Variants in TP53BP2 observed in about 807,000 individuals in gnomAD.
The protein encoded by TP53BP2 is tumor protein p53 binding protein 2.
A neutral mutation model predicts 126.2 loss-of-function variants in TP53BP2; 62 were observed. The observed-to-expected ratio is 0.49, with a 90% CI of 0.40 to 0.61. The LOEUF (loss-of-function observed/expected upper bound fraction) is 0.61, where lower values mean the gene tolerates loss of function less well. Ranked by LOEUF, TP53BP2 falls within the 20% of genes least tolerant of loss-of-function variation. The pLI is 0.00. For missense variants in TP53BP2, 1,215 were observed against 1,402.8 expected (o/e 0.87, Z 2.14); for synonymous variants, 485 against 502.9 (o/e 0.96, Z 0.48).
intron 5 of TP53BP2, among the ~76,000 whole-genome samples, chr1:223,804,614 C>T (rs1034526906): frequency 3.9e-5 from 6 of 152,214 alleles, no homozygotes; most frequent in African/African-American, 1.4e-4. Flanking sequence ...AGCAAGGATG[C>T]AGCAATTCTT....
At chr1:223,841,578 CTG>C (rs2102894240) in intron 1 of TP53BP2, among the ~76,000 whole-genome samples, 1 of 152,308 alleles carries the variant, frequency 6.6e-6, no homozygotes, top group East Asian at 1.9e-4. Flanking sequence ...TTGTGCAAAT[CTG>C]TGCAAATAAA....
chr1:223,817,228 G>A (rs1157319626), intron 2 of TP53BP2, among the ~76,000 whole-genome samples: 2 of 116,648 alleles, frequency 1.7e-5, no homozygotes, highest in African/African-American at 6.6e-5. Flanking sequence ...AGGAGGAGGG[G>A]GAGAGAAAGG....
At chr1:223,822,185 A>C (rs935832274) in intron 1 of TP53BP2, among the ~76,000 whole-genome samples, 1 of 151,738 alleles carries the variant, frequency 6.6e-6, no homozygotes, top group Admixed American at 6.6e-5. Context: ...AAGTGCTGGG[A>C]TTACAGGCGT....
At position 223,804,272 on chromosome 1, in the gene TP53BP2, CTTTT is replaced by C; in HGVS notation, c.547_550del (p.Lys183GlyfsTer2). ...CTGATTCTCAGCTATTTCTTTTAGC[CTTTT>C]AAGTTTCTCCTGCTCAGCAACTTGT... On this transcript the variant is annotated frameshift_variant, in exon 6 of 18. Transcript: ENST00000343537. LOFTEE classifies it high-confidence loss of function. 1 of 1,614,080 alleles carries C rather than the reference CTTTT, an allele frequency of 6.2e-7. No individual in the cohort carries two copies. Among genetic ancestry groups the C allele is most frequent in the East Asian group, 2.2e-5 (1 of 44,876 alleles).
chr1:223,807,513 C>T (rs998657711), intron 4 of TP53BP2, among the ~76,000 whole-genome samples: 8 of 151,488 alleles, frequency 5.3e-5, no homozygotes, highest in African/African-American at 1.9e-4. Context: ...AAAAGAAGTT[C>T]AACTGCCTTC....
chr1:223,782,078 T>C (rs1661795226), intron 17 of TP53BP2, among the ~76,000 whole-genome samples: 1 of 152,168 alleles, frequency 6.6e-6, no homozygotes, highest in South Asian at 2.1e-4. Flanking sequence ...AGATCTACTG[T>C]ACAACTTGGT....
chr1:223,810,420 C>G lies in TP53BP2; in HGVS notation c.372+11G>C, dbSNP rs1374550318. 2 of 1,596,588 alleles carry G rather than the reference C, an allele frequency of 1.3e-6. No homozygotes were observed. The highest frequency in any genetic ancestry group is 1.1e-5 in the South Asian group (1 of 88,248). ...GTGGTATATACAGTATGGATAAAAA[C>G]AACAACTTACACCGTTCTCCTTTCT... On this transcript the variant is annotated intron_variant, in intron 4 of 17. Transcript: ENST00000343537.
chr1:223,792,363 G>C, intron 15 of TP53BP2, 26 bp downstream of exon 15: 1 of 1,582,214 alleles, frequency 6.3e-7, no homozygotes, highest in Non-Finnish European at 8.6e-7. Flanking sequence ...ACTGAAGTTT[G>C]ACTGGAGTTT....
rs553534889 is a variant in TP53BP2, at chr1:223,821,643, T to C, written c.28-276A>G. Among the ~76,000 whole-genome samples, 24 of 152,352 alleles carry C rather than the reference T, an allele frequency of 1.6e-4. No homozygotes were observed. The South Asian group carries it at 2.3e-3, about 14-fold the overall frequency. ...AATCTGTTTTTGCCAGTTTTATTCA[T>C]GTTGTTTGCCAAATACTTATATATG... On this transcript the variant is annotated intron_variant, in intron 1 of 17. Transcript: ENST00000343537.
rs576447714 is a variant in TP53BP2 at position 223,838,202 on chromosome 1, C to T, written c.27+7452G>A. Among the ~76,000 whole-genome samples the T allele has an allele frequency of 1.8e-3, 277 of 152,254 alleles. 1 individual carries two copies. Among genetic ancestry groups the T allele is most frequent in the African/African-American group, 6.4e-3 (264 of 41,538 alleles). On this transcript the variant is annotated intron_variant, in intron 1 of 17. Coordinates refer to ENST00000343537, the MANE Select transcript of TP53BP2 (RefSeq NM_001031685.3). ...TCCCACCCAAATCTCCCATTAAGCA[C>T]TATGAAAGAAAGCTAAGCTCCCTGA...
intron 17 of TP53BP2, among the ~76,000 whole-genome samples, chr1:223,781,951 G>A (rs1399231861): frequency 6.6e-6 from 1 of 152,160 alleles, no homozygotes; most frequent in Non-Finnish European, 1.5e-5. Context: ...AATCTTCTAA[G>A]CGCCACACAC....
intron 7 of TP53BP2, 31 bp downstream of exon 7, chr1:223,803,240 G>A (rs768148065): frequency 3.0e-5 from 47 of 1,578,506 alleles, no homozygotes; most frequent in Non-Finnish European, 3.7e-5. Context: ...AAAGGAGGTT[G>A]TACAGCTTTT....
At chr1:223,800,212 C>T (rs1662482985) in intron 10 of TP53BP2, among the ~76,000 whole-genome samples, 165 bp from the exon 11 acceptor site, 1 of 151,400 alleles carries the variant, frequency 6.6e-6, no homozygotes, top group Non-Finnish European at 1.5e-5. Flanking sequence ...CTATAATGAT[C>T]GTACCTGAGT....
Position 223,802,798 on chromosome 1 carries a change from C to T in TP53BP2, c.929G>A (p.Arg310His), listed in dbSNP as rs755205296. Reference protein sequence around the residue: ...RNSEVAVMDKRVNELRDRLWK... With the variant: ...RNSEVAVMDKHVNELRDRLWK... ...CAGCCGGTCCCTCAGCTCATTAACA[C>T]GCTTATCCATGACTGCCACTTCTGA... Residue 310 changes from arginine (R) to histidine (H), a missense_variant, in exon 8 of 18, where the codon CGT (arginine) becomes CAT (histidine). By Grantham distance (29) the Arg-to-His change is conservative (BLOSUM62 0). Around this residue, in one of 4 missense-constraint regions of TP53BP2, gnomAD observed 814 missense variants for 853.0 expected, o/e 0.95. Coordinates refer to ENST00000343537, the MANE Select transcript of TP53BP2 (RefSeq NM_001031685.3). The T allele has an allele frequency of 2.5e-6, 4 of 1,614,048 alleles. No homozygotes were observed. Among genetic ancestry groups the T allele is most frequent in the South Asian group, 1.1e-5 (1 of 91,084 alleles).
chr1:223,793,210 G>T (rs183105128), intron 14 of TP53BP2, 93 bp downstream of exon 14: 19 of 956,394 alleles, frequency 2.0e-5, no homozygotes, highest in Non-Finnish European at 2.6e-5. Context: ...AAAATACAAG[G>T]TCATATTTTA....
At position 223,802,024 on chromosome 1, in the gene TP53BP2, AT is replaced by A; in HGVS notation, c.1225+91del. On this transcript the variant is annotated intron_variant, in intron 9 of 17. Coordinates refer to ENST00000343537, the MANE Select transcript of TP53BP2 (RefSeq NM_001031685.3). The stretch of plus-strand genomic sequence containing the variant: ...AAGGATTTTTAGAATTCAAACATGA[AT>A]AATGAATACAAAGAGAGATTTTTTT... The A allele has an allele frequency of 2.4e-6, 3 of 1,248,426 alleles. No homozygotes were observed. In the African/African-American group the frequency reaches 4.5e-5, roughly 19 times the overall value. 77.3% of individuals were successfully genotyped at this position (1,248,426 alleles called of 1,614,324 possible). A position where few individuals can be genotyped will look rare whatever the true frequency, so the allele number is the denominator to read the frequency against.
intron 2 of TP53BP2, among the ~76,000 whole-genome samples, chr1:223,816,511 A>C (rs1456092746): frequency 1.3e-5 from 2 of 152,212 alleles, no homozygotes; most frequent in African/African-American, 4.8e-5. Flanking sequence ...TGAGCAAAGA[A>C]TATAAAGAAA....
rs368971181 is a variant in TP53BP2, at chr1:223,802,224, C to T, written c.1117G>A (p.Val373Met). Residue 373 changes from valine (V) to methionine (M), a missense_variant, in exon 9 of 18, where the codon GTG (valine) becomes ATG (methionine). Transcript: ENST00000343537. ...PRMPSRPELLVKPALPDGSLV... is the reference protein window; with the variant it reads ...PRMPSRPELLMKPALPDGSLV... ...GAACCATCCGGCAGGGCTGGCTTCA[C>T]CAGCAATTCAGGCCTTGAGGGCATC... The T allele has an allele frequency of 1.1e-5, 18 of 1,614,056 alleles. No homozygotes were observed. Among genetic ancestry groups the T allele is most frequent in the South Asian group, 6.6e-5 (6 of 91,086 alleles).
intron 2 of TP53BP2, among the ~76,000 whole-genome samples, chr1:223,818,614 G>A (rs983008224): frequency 6.6e-6 from 1 of 150,744 alleles, no homozygotes; most frequent in African/African-American, 2.4e-5. Flanking sequence ...CTGTCACCCA[G>A]GCTGGAGTGG....
Sources: allele counts gnomAD v4.1 joint callset (sites outside exome capture counted in the v4.1 genomes callset), GRCh38; gene constraint gnomAD v4.1.1; regional missense constraint gnomAD v4.1.1; transcripts MANE v1.5; gene names NCBI Gene and HGNC (gene_info 2026-07-23, HGNC 2026-07-21).